Variants in EMC7 observed in about 807,000 individuals in gnomAD.
The protein encoded by EMC7 is endoplasmic reticulum membrane protein complex subunit 7.
Under a neutral mutation model 24.4 loss-of-function variants are expected in EMC7, and 4 were observed. That is an observed-to-expected ratio of 0.16 (90% CI 0.08 to 0.38). The LOEUF (loss-of-function observed/expected upper bound fraction) is 0.38, where lower values mean the gene tolerates loss of function less well. Among genes scored for constraint, EMC7 ranks in the 10% least tolerant of loss-of-function variants. EMC7 has a pLI of 1.00. For synonymous variants in EMC7, 106 were observed against 112.0 expected (o/e 0.95, Z 0.34); for missense variants, 221 against 300.6 (o/e 0.74, Z 1.96).
At chr15:34,086,149 G>A in intron 4 of EMC7, 2 of 400,042 alleles carry the variant, frequency 5.0e-6, no homozygotes, top group Admixed American at 2.9e-5. Context: ...CCAATGTTGG[G>A]GATCAAGATC....
At position 34,095,753 on chromosome 15, in the gene EMC7, C is replaced by T. The variant is rs151136399; in HGVS notation, c.356+142G>A. ...TTTTTCAATGTTCAGATTAAATAAACGAGGATATTTTAAGTGTTTTAAGGA... is the reference window on the plus strand; with the variant it reads ...TTTTTCAATGTTCAGATTAAATAAATGAGGATATTTTAAGTGTTTTAAGGA... On this transcript the variant is annotated intron_variant, in intron 2 of 4. Transcript: ENST00000256545. 5.7e-5 allele frequency: 44 copies of T among 771,864 alleles called. No homozygotes were observed. In the East Asian group the frequency reaches 1.2e-3, roughly 20 times the overall value. The allele number at this position is 771,864 out of a possible 1,614,324, so 47.8% of individuals were successfully genotyped here.
chr15:34,091,418 G>A (rs1005968856), intron 2 of EMC7, among the ~76,000 whole-genome samples: 13 of 152,028 alleles, frequency 8.6e-5, no homozygotes, highest in African/African-American at 3.1e-4. Context: ...AGATACAAAG[G>A]GTATCTCCTT....
chr15:34,087,645 G>C (rs936408486), intron 4 of EMC7, among the ~76,000 whole-genome samples: 1 of 152,186 alleles, frequency 6.6e-6, no homozygotes, highest in African/African-American at 2.4e-5. Context: ...AAGAGGCTAG[G>C]ATGCAGTAAG....
At chr15:34,090,905 G>A (rs1900965338) in intron 2 of EMC7, among the ~76,000 whole-genome samples, 1 of 152,204 alleles carries the variant, frequency 6.6e-6, no homozygotes, top group Admixed American at 6.5e-5. Flanking sequence ...TATATTGCCA[G>A]AAAATGTTAT....
At position 34,084,248 on chromosome 15, in the gene EMC7, T is replaced by C. The variant is rs2140865010; in HGVS notation, c.*86A>G. 2.0e-6 allele frequency: 3 copies of C among 1,499,290 alleles called. No individual in the cohort carries two copies. Among genetic ancestry groups the C allele is most frequent in the South Asian group, 1.3e-5 (1 of 77,676 alleles). The allele number at this position is 1,499,290 out of a possible 1,614,324, so 92.9% of individuals were successfully genotyped here. On this transcript the variant is annotated 3_prime_UTR_variant, in exon 5 of 5. Coordinates refer to ENST00000256545, the MANE Select transcript of EMC7 (RefSeq NM_020154.3). Reference sequence around the variant, plus strand: ...TCAACGTCGGGATGACTCAAGTTTATAGTAGTTGCTTCACACGGTTTTCCA... The same window carrying C: ...TCAACGTCGGGATGACTCAAGTTTACAGTAGTTGCTTCACACGGTTTTCCA...
chr15:34,097,507 C>G (rs1169746059), intron 1 of EMC7, among the ~76,000 whole-genome samples: 1 of 152,056 alleles, frequency 6.6e-6, no homozygotes, highest in Admixed American at 6.6e-5. Flanking sequence ...AGAAAACCAT[C>G]CTATCAAGAG....
At chr15:34,086,744 T>A (rs959872793) in intron 4 of EMC7, among the ~76,000 whole-genome samples, 4 of 152,258 alleles carry the variant, frequency 2.6e-5, no homozygotes, top group Admixed American at 2.6e-4. Context: ...GAACTTTTAA[T>A]CAAATGTGAC....
chr15:34,092,286 C>CACACACACACAA (rs1216416996), intron 2 of EMC7, among the ~76,000 whole-genome samples: 2 of 151,806 alleles, frequency 1.3e-5, no homozygotes, highest in Non-Finnish European at 2.9e-5. Context: ...CACACACACA[C>CACACACACACAA]ACACACAAAG....
At chr15:34,085,527 TG>T (rs1900866396) in intron 4 of EMC7, among the ~76,000 whole-genome samples, 1 of 151,852 alleles carries the variant, frequency 6.6e-6, no homozygotes, top group Non-Finnish European at 1.5e-5. Flanking sequence ...AGTGCTCAGG[TG>T]ATCTTCCTGC....
chr15:34,093,485 C>T (rs867739087), intron 2 of EMC7, among the ~76,000 whole-genome samples: 9 of 150,214 alleles, frequency 6.0e-5, no homozygotes, highest in Middle Eastern at 3.2e-3. Flanking sequence ...AGCTGGGGAC[C>T]GTCTATATTT....
At position 34,084,110 on chromosome 15, in the gene EMC7, T is replaced by C. The variant is rs185186630; in HGVS notation, c.*224A>G. 4.5e-6 allele frequency: 2 copies of C among 443,304 alleles called. No individual in the cohort carries two copies. Among genetic ancestry groups the C allele is most frequent in the East Asian group, 3.4e-5 (1 of 29,344 alleles). The allele number at this position is 443,304 out of a possible 1,614,324, so 27.5% of individuals were successfully genotyped here. ...GGCATTTTCTATAGGACACTGTAAT[T>C]AATTCAGTGACATCAATATTGACCT... On this transcript the variant is annotated 3_prime_UTR_variant, in exon 5 of 5. Transcript: ENST00000256545.
chr15:34,092,452 G>A (rs933955121), intron 2 of EMC7, among the ~76,000 whole-genome samples: 1 of 151,972 alleles, frequency 6.6e-6, no homozygotes, highest in African/African-American at 2.4e-5. Context: ...GGGTTCAAGT[G>A]ATTCTCCTGC....
chr15:34,101,112 C>T (rs1033852602), intron 1 of EMC7: 2 of 152,294 alleles, frequency 1.3e-5, no homozygotes, highest in African/African-American at 4.8e-5. Context: ...ATTTTAGAAG[C>T]AGTAACATTA....
At chr15:34,093,823 A>ATATATATATATATTTTTTTT (rs1190830993) in intron 2 of EMC7, among the ~76,000 whole-genome samples, 1 of 48,702 alleles carries the variant, frequency 2.1e-5, no homozygotes. Flanking sequence ...ATATATATAT[A>ATATATATATATATTTTTTTT]TTTTTTTTTT....
chr15:34,088,215 T>TA, intron 3 of EMC7, 82 bp from the exon 4 acceptor site: 23 of 1,183,136 alleles, frequency 1.9e-5, no homozygotes, highest in Non-Finnish European at 2.8e-5. Context: ...CAACCAATGG[T>TA]AAAATTAAAG....
chr15:34,093,823 A>ATATATATATATAT (rs1190830993), intron 2 of EMC7, among the ~76,000 whole-genome samples: 40 of 48,710 alleles, frequency 8.2e-4, no homozygotes, highest in Middle Eastern at 0.012. Flanking sequence ...ATATATATAT[A>ATATATATATATAT]TTTTTTTTTT....
Position 34,088,139 on chromosome 15 carries a change from G to GA in EMC7, c.496-7dup, listed in dbSNP as rs145275758. ...GGAAGAACCATCATCATAACCTGCA[G>GA]AAAAAAAAAATCCAGAAAATGTTTT... On this transcript the variant is annotated splice_region_variant and splice_polypyrimidine_tract_variant and intron_variant, in intron 3 of 4. Coordinates refer to ENST00000256545, the MANE Select transcript of EMC7 (RefSeq NM_020154.3). 8.5e-3 allele frequency: 11,857 copies of GA among 1,387,010 alleles called. No homozygotes were observed. The highest frequency in any genetic ancestry group is 9.1e-3 in the Non-Finnish European group (9,322 of 1,020,120). The allele number at this position is 1,387,010 out of a possible 1,614,324, so 85.9% of individuals were successfully genotyped here.
chr15:34,101,346 A>G (rs1037392835), intron 1 of EMC7, among the ~76,000 whole-genome samples: 1 of 152,138 alleles, frequency 6.6e-6, no homozygotes, highest in Non-Finnish European at 1.5e-5. Context: ...TGGGGCCAAA[A>G]TAAGGTTGGA....
At chr15:34,087,983 A>C (rs1174890737) in intron 4 of EMC7, 70 bp downstream of exon 4, 1 of 1,369,224 alleles carries the variant, frequency 7.3e-7, no homozygotes, top group African/African-American at 1.5e-5. Context: ...GTGCCACTGC[A>C]TTCCAGCTTG....
Sources: allele counts gnomAD v4.1 joint callset (sites outside exome capture counted in the v4.1 genomes callset), GRCh38; gene constraint gnomAD v4.1.1; transcripts MANE v1.5; gene names NCBI Gene and HGNC (gene_info 2026-07-23, HGNC 2026-07-21).